Variants in MAGI1 observed in about 807,000 individuals in gnomAD.
The protein encoded by MAGI1 is membrane associated guanylate kinase, WW and PDZ domain containing 1, also known as membrane-associated guanylate kinase, WW and PDZ domain-containing protein 1.
Under a neutral mutation model 139.9 loss-of-function variants are expected in MAGI1, and 58 were observed. The observed-to-expected ratio is 0.41, with a 90% CI of 0.34 to 0.52. The LOEUF (loss-of-function observed/expected upper bound fraction) is 0.52, where lower values mean the gene tolerates loss of function less well. MAGI1 is among the 20% of genes least tolerant of loss of function. The pLI is 0.12. For missense variants in MAGI1, 1,874 were observed against 1,901.6 expected (o/e 0.99, Z 0.27); for synonymous variants, 812 against 737.9 (o/e 1.10, Z -1.63).
At chr3:65,821,606 A>G (rs1180955750) in intron 1 of MAGI1, among the ~76,000 whole-genome samples, 1 of 152,236 alleles carries the variant, frequency 6.6e-6, no homozygotes, top group Non-Finnish European at 1.5e-5. Context: ...ACAAAAGTAA[A>G]GACATTGGAT....
chr3:65,358,775 T>C (rs1403033744), intron 22 of MAGI1, among the ~76,000 whole-genome samples: 1 of 152,196 alleles, frequency 6.6e-6, no homozygotes, highest in Non-Finnish European at 1.5e-5. Flanking sequence ...ACAAGGTTCA[T>C]TCTTTCTAAA....
At chr3:65,439,293 T>C (rs1051118310) in intron 9 of MAGI1, among the ~76,000 whole-genome samples, 8 of 152,194 alleles carry the variant, frequency 5.3e-5, no homozygotes, top group African/African-American at 1.9e-4. Flanking sequence ...TATCAGATTT[T>C]TGTTAAAATA....
At chr3:65,963,830 G>C (rs577066021) in intron 1 of MAGI1, among the ~76,000 whole-genome samples, 1 of 152,312 alleles carries the variant, frequency 6.6e-6, no homozygotes, top group East Asian at 1.9e-4. Flanking sequence ...TTTATTTCAA[G>C]ATTTGGCACA....
intron 1 of MAGI1, among the ~76,000 whole-genome samples, chr3:65,938,724 G>A (rs982447275): frequency 1.3e-5 from 2 of 152,094 alleles, no homozygotes; most frequent in Admixed American, 6.6e-5. Context: ...GATGTTCTTC[G>A]GTGTAACAAT....
At chr3:65,597,802 C>T (rs533130177) in intron 2 of MAGI1, 2 of 456,498 alleles carry the variant, frequency 4.4e-6, no homozygotes, top group Admixed American at 2.4e-5. Flanking sequence ...GATCATGGAC[C>T]ACTTGTACTT....
chr3:65,410,373 T>C (rs1048660171), intron 12 of MAGI1, among the ~76,000 whole-genome samples: 3 of 152,214 alleles, frequency 2.0e-5, no homozygotes, highest in Non-Finnish European at 4.4e-5. Context: ...AAGACACTGA[T>C]GGTCAAGTAA....
chr3:65,829,361 T>C (rs2042402359), intron 1 of MAGI1, among the ~76,000 whole-genome samples: 2 of 152,162 alleles, frequency 1.3e-5, no homozygotes. Flanking sequence ...CCCAGTGTGA[T>C]AGTATCAAGA....
chr3:65,388,418 T>A (rs1943619674), intron 14 of MAGI1, among the ~76,000 whole-genome samples: 1 of 152,140 alleles, frequency 6.6e-6, no homozygotes. Flanking sequence ...CTCATTTTAC[T>A]GTCTTGGGGG....
chr3:65,507,928 C>A (rs1172674055), intron 2 of MAGI1, among the ~76,000 whole-genome samples: 1 of 151,768 alleles, frequency 6.6e-6, no homozygotes, highest in East Asian at 1.9e-4. Context: ...CATAAAAAAC[C>A]CAATTACTAA....
At chr3:65,539,354 T>C (rs994650829) in intron 2 of MAGI1, among the ~76,000 whole-genome samples, 1 of 151,730 alleles carries the variant, frequency 6.6e-6, no homozygotes, top group African/African-American at 2.4e-5. Flanking sequence ...CAAACACACA[T>C]ACCAACTACT....
At chr3:65,734,078 G>C (rs2133521) in intron 1 of MAGI1, among the ~76,000 whole-genome samples, 3,551 of 152,262 alleles carry the variant, frequency 0.023, 159 homozygotes, top group African/African-American at 0.08. Context: ...CATCGTCTCA[G>C]TCGATTTTTC....
At chr3:65,764,873 G>C (rs1241161025) in intron 1 of MAGI1, among the ~76,000 whole-genome samples, 2 of 152,144 alleles carry the variant, frequency 1.3e-5, no homozygotes, top group Admixed American at 6.5e-5. Flanking sequence ...TTTAAAAACA[G>C]AACCGCTTGT....
At chr3:65,559,697 A>C (rs2108009608) in intron 2 of MAGI1, among the ~76,000 whole-genome samples, 1 of 152,310 alleles carries the variant, frequency 6.6e-6, no homozygotes, top group South Asian at 2.1e-4. Flanking sequence ...AAAGGCTACA[A>C]AACTTGTCTA....
chr3:65,652,359 A>C (rs899531353), intron 1 of MAGI1, among the ~76,000 whole-genome samples: 1 of 152,154 alleles, frequency 6.6e-6, no homozygotes, highest in Non-Finnish European at 1.5e-5. Flanking sequence ...CAGGGCTCTC[A>C]ATCTTAGTAC....
intron 1 of MAGI1, among the ~76,000 whole-genome samples, chr3:65,706,115 A>G (rs1490925724): frequency 6.6e-6 from 1 of 152,236 alleles, no homozygotes; most frequent in East Asian, 1.9e-4. Context: ...AATGTAATGA[A>G]AACATTAGCA....
At chr3:65,360,556 T>A (rs951044541) in intron 22 of MAGI1, 3 of 984,876 alleles carry the variant, frequency 3.0e-6, no homozygotes, top group African/African-American at 3.5e-5. Context: ...GTTTCCCTCA[T>A]GATGAGCACT....
intron 1 of MAGI1, among the ~76,000 whole-genome samples, chr3:65,756,460 C>T (rs2036576208): frequency 6.6e-6 from 1 of 152,170 alleles, no homozygotes; most frequent in Non-Finnish European, 1.5e-5. Context: ...GGTCATACTT[C>T]TCATGGGGAC....
In MAGI1 at chr3:65,430,807, G is replaced by T; in HGVS notation, c.1438C>A (p.Arg480Ser). The change falls in exon 11 of 23, where the codon CGT (arginine) becomes AGT (serine). Residue 480 changes from arginine (R) to serine (S), a missense_variant. Coordinates refer to ENST00000402939, the MANE Select transcript of MAGI1 (RefSeq NM_001033057.2). The stretch of plus-strand genomic sequence containing the variant: ...CCAACCACCGTGAAGCCAAAGCCAC[G>T]ACTGCTTTTCCGCAGCTTTGTGTGA... ...FIHTKLRKSS[R>S]GFGFTVVGGD... 6.2e-7 allele frequency: 1 copy of T among 1,613,526 alleles called. No homozygotes were observed. Among genetic ancestry groups the T allele is most frequent in the Non-Finnish European group, 8.5e-7 (1 of 1,179,754 alleles).
chr3:65,606,178 T>C (rs1365873333), intron 2 of MAGI1, among the ~76,000 whole-genome samples: 2 of 152,116 alleles, frequency 1.3e-5, no homozygotes, highest in Non-Finnish European at 2.9e-5. Flanking sequence ...AAACCTCGGG[T>C]AGGAACTTAT....
Sources: allele counts gnomAD v4.1 joint callset (sites outside exome capture counted in the v4.1 genomes callset), GRCh38; gene constraint gnomAD v4.1.1; transcripts MANE v1.5; gene names NCBI Gene and HGNC (gene_info 2026-07-23, HGNC 2026-07-21).